Variants in CNTLN observed in about 807,000 individuals in gnomAD.
The protein encoded by CNTLN is centlein, also known as centlein, centrosomal protein.
Under a neutral mutation model 180.0 loss-of-function variants are expected in CNTLN, and 212 were observed. The ratio of observed to expected loss-of-function variants is 1.18; its 90% CI spans 1.05 to 1.32. The LOEUF is 1.32. Among genes scored for constraint, CNTLN ranks in the 40% most tolerant of loss-of-function variants. The pLI is 0.00. For missense variants in CNTLN, 2,095 were observed against 1,610.9 expected, an observed-to-expected ratio of 1.30 and a Z score of -5.14; for synonymous variants, 722 against 563.1, an observed-to-expected ratio of 1.28 and a Z score of -3.99.
chr9:17,511,408 A>T, the CNTLN span, among the ~76,000 whole-genome samples: 1 of 152,300 alleles, frequency 6.6e-6, no homozygotes, highest in Admixed American at 6.5e-5. Context: ...GTGGATCAAG[A>T]ATCTGGGTCC....
chr9:17,336,137 T>A (rs552179465), intron 10 of CNTLN, among the ~76,000 whole-genome samples: 1 of 152,302 alleles, frequency 6.6e-6, no homozygotes, highest in Admixed American at 6.5e-5. Context: ...CTTGACTTGT[T>A]GTAAGATCTT....
chr9:17,460,639 G>A (rs572959400), intron 19 of CNTLN, among the ~76,000 whole-genome samples: 1 of 151,768 alleles, frequency 6.6e-6, no homozygotes, highest in African/African-American at 2.4e-5. Flanking sequence ...CTTGGCCAAA[G>A]TGTATCTCAA....
intron 5 of CNTLN, among the ~76,000 whole-genome samples, chr9:17,266,194 T>A (rs1167052504): frequency 6.6e-6 from 1 of 152,136 alleles, no homozygotes; most frequent in Admixed American, 6.6e-5. Context: ...AATTTCCTTC[T>A]ACACACTGCT....
chr9:17,205,600 A>G (rs114837862), intron 2 of CNTLN, among the ~76,000 whole-genome samples: 2,068 of 152,292 alleles, frequency 0.014, 52 homozygotes, highest in African/African-American at 0.048. Flanking sequence ...AGCTGGCTGA[A>G]CTAGTAGTGG....
intron 25 of CNTLN, among the ~76,000 whole-genome samples, chr9:17,501,648 G>A (rs1833760535): frequency 6.6e-6 from 1 of 152,200 alleles, no homozygotes. Flanking sequence ...AGGGGGCTGG[G>A]CATGCTAAGC....
intron 14 of CNTLN, among the ~76,000 whole-genome samples, chr9:17,393,946 G>A (rs1160096718): frequency 6.6e-6 from 1 of 151,778 alleles, no homozygotes; most frequent in African/African-American, 2.4e-5. Context: ...GAAATAAATG[G>A]GAAAATTTTA....
intron 18 of CNTLN, among the ~76,000 whole-genome samples, chr9:17,436,680 ATT>A (rs1234385706): frequency 6.6e-6 from 1 of 152,168 alleles, no homozygotes; most frequent in Non-Finnish European, 1.5e-5. Context: ...CCAAACTTAT[ATT>A]TGTCCTTGGT....
intron 12 of CNTLN, among the ~76,000 whole-genome samples, chr9:17,344,909 C>G (rs74749234): frequency 0.016 from 2,478 of 152,234 alleles, 70 homozygotes; most frequent in African/African-American, 0.057. Context: ...TTCCTACCGC[C>G]ACTAATACCT....
At chr9:17,451,855 T>G (rs1268927040) in intron 18 of CNTLN, among the ~76,000 whole-genome samples, 2 of 152,158 alleles carry the variant, frequency 1.3e-5, no homozygotes, top group African/African-American at 4.8e-5. Context: ...TTTAATCCAG[T>G]GGTAAAAAAC....
chr9:17,307,646 G>A (rs1818812509), intron 7 of CNTLN, among the ~76,000 whole-genome samples: 2 of 152,066 alleles, frequency 1.3e-5, no homozygotes, highest in African/African-American at 4.8e-5. Context: ...GAACTTTGGA[G>A]GGTCTTATTT....
chr9:17,300,486 C>G (rs1052212362), intron 7 of CNTLN: 12 of 152,194 alleles, frequency 7.9e-5, no homozygotes, highest in Non-Finnish European at 1.8e-4. Context: ...GTTTTCAGTA[C>G]AGGTGCAGAA....
intron 21 of CNTLN, among the ~76,000 whole-genome samples, chr9:17,465,680 G>C (rs1404171956): frequency 6.6e-6 from 1 of 151,048 alleles, no homozygotes; most frequent in Non-Finnish European, 1.5e-5. Context: ...TCCTGCCTTA[G>C]GAAGTTTAGA....
rs1463898489 is a variant in CNTLN at position 17,198,797 on chromosome 9, GT to G, written c.450-27402del. Among the ~76,000 whole-genome samples the G allele has an allele frequency of 4.0e-5, 6 of 151,280 alleles. No homozygotes were observed. The South Asian group carries it at 1.0e-3, about 26-fold the overall frequency. On this transcript the variant is annotated intron_variant, in intron 2 of 25. Coordinates refer to ENST00000380647, the MANE Select transcript of CNTLN (RefSeq NM_017738.4). ...GTGTGGTGTTTGGTTTTCTGTTTCT[GT>G]TTTAGTTTGCTGAGGATGATAGCTT...
At chr9:17,362,528 A>G (rs1823480508) in intron 12 of CNTLN, among the ~76,000 whole-genome samples, 1 of 152,122 alleles carries the variant, frequency 6.6e-6, no homozygotes, top group African/African-American at 2.4e-5. Context: ...TCCAGGAAGT[A>G]TACTGAGTGA....
chr9:17,423,443 G>A (rs186803703), intron 18 of CNTLN, among the ~76,000 whole-genome samples: 43 of 151,628 alleles, frequency 2.8e-4, no homozygotes, highest in South Asian at 1.0e-3. Flanking sequence ...GCAAGACAAA[G>A]TACTCTTTAC....
At chr9:17,288,209 C>G (rs1382709688) in intron 6 of CNTLN, among the ~76,000 whole-genome samples, 1 of 121,716 alleles carries the variant, frequency 8.2e-6, no homozygotes, top group Non-Finnish European at 1.6e-5. Context: ...TATGTTGTGT[C>G]TTTGTTCTCG....
intron 2 of CNTLN, among the ~76,000 whole-genome samples, chr9:17,172,745 T>G (rs1283952400): frequency 6.6e-6 from 1 of 152,200 alleles, no homozygotes; most frequent in Non-Finnish European, 1.5e-5. Context: ...AAATACATAA[T>G]AGGTCAAATA....
intron 15 of CNTLN, among the ~76,000 whole-genome samples, chr9:17,401,837 A>G (rs1012364666): frequency 6.6e-6 from 1 of 151,880 alleles, no homozygotes. Flanking sequence ...AAACATCTAT[A>G]TAGTAACAGA....
rs919275545 is a variant in CNTLN, at chr9:17,502,770, C to G, written c.*118C>G. On this transcript the variant is annotated 3_prime_UTR_variant, in exon 26 of 26. Coordinates refer to ENST00000380647, the MANE Select transcript of CNTLN (RefSeq NM_017738.4). ...CAACTATCAATAGTCAGGTTCAATA[C>G]CAAAATAAGAAGTCTCTGAAAATAA... The G allele has an allele frequency of 7.1e-6, 3 of 424,922 alleles. No homozygotes were observed. The highest frequency in any genetic ancestry group is 7.1e-4 in the Middle Eastern group (2 of 2,828). The allele number at this position is 424,922 out of a possible 1,614,324, so 26.3% of individuals were successfully genotyped here.
Sources: gnomAD v4.1 joint callset for allele counts (sites outside exome capture counted in the v4.1 genomes callset) on GRCh38, gnomAD v4.1.1 for gene constraint, MANE v1.5 for transcripts, NCBI Gene and HGNC (gene_info 2026-07-23, HGNC 2026-07-21) for gene names.